Variants in CHD9 observed in about 807,000 individuals in gnomAD.
CHD9 encodes chromodomain helicase DNA binding protein 9, also known as ATP-dependent chromatin remodeler CHD9.
Under a neutral mutation model 316.1 loss-of-function variants are expected in CHD9, and 77 were observed. The ratio of observed to expected loss-of-function variants is 0.24; its 90% CI spans 0.20 to 0.29. CHD9 has a LOEUF of 0.29. Ranked by LOEUF, CHD9 falls within the 10% of genes least tolerant of loss-of-function variation. The probability of loss-of-function intolerance (pLI) is 1.00; values close to 1 mark genes in which losing one functional copy is unlikely to be tolerated. For synonymous variants in CHD9, 1,129 were observed against 1,158.3 expected (o/e 0.97, Z 0.51); for missense variants, 2,763 against 3,438.1 (o/e 0.80, Z 4.91).
At chr16:53,225,030 T>C (rs2047533930) in intron 4 of CHD9, among the ~76,000 whole-genome samples, 1 of 152,164 alleles carries the variant, frequency 6.6e-6, no homozygotes, top group South Asian at 2.1e-4. Context: ...CATGGTGTTA[T>C]CTAGTACATT....
chr16:53,086,618 A>T (rs964032374), intron 1 of CHD9, among the ~76,000 whole-genome samples: 5 of 152,236 alleles, frequency 3.3e-5, no homozygotes, highest in Non-Finnish European at 7.3e-5. Context: ...GAGGAAAAAA[A>T]TCATTTGTGA....
chr16:53,219,723 A>G (rs903103528), intron 3 of CHD9, among the ~76,000 whole-genome samples: 1 of 152,198 alleles, frequency 6.6e-6, no homozygotes, highest in Non-Finnish European at 1.5e-5. Flanking sequence ...AGTGAGGCAT[A>G]CTTAGTTTCT....
chr16:53,121,550 T>A, intron 1 of CHD9: 1 of 391,460 alleles, frequency 2.6e-6, no homozygotes, highest in Non-Finnish European at 5.0e-6. Flanking sequence ...ACTTGGAGAC[T>A]CTAAGACCTG....
intron 1 of CHD9, among the ~76,000 whole-genome samples, chr16:53,144,838 A>G (rs2152716892): frequency 6.6e-6 from 1 of 151,916 alleles, no homozygotes; most frequent in South Asian, 2.1e-4. Flanking sequence ...ACATATTTTT[A>G]AAAATCAGCC....
intron 2 of CHD9, chr16:53,208,120 A>G: frequency 9.6e-7 from 1 of 1,043,756 alleles, no homozygotes; most frequent in East Asian, 9.9e-5. Flanking sequence ...TCATACCTAA[A>G]TAGGATGAAC....
rs1474004651 is a variant in CHD9 at position 53,268,062 on chromosome 16, T to C, written c.4653T>C (p.Gly1551=). 1 of 1,613,264 alleles carries C rather than the reference T, an allele frequency of 6.2e-7. No homozygotes were observed. ...ACCGAGGAGATGAGAAGATTAAAGG[T>C]TTCATATGGGATCTCATTACTCCAA... is the stretch of plus-strand genomic sequence containing the variant. The part of the protein sequence containing the change: ...VHYRGDEKIK[G]FIWDLITPTE... The change falls in exon 22 of 39, where the codon GGT becomes GGC. Residue 1551 remains glycine (G), a synonymous_variant. Coordinates refer to ENST00000447540, the MANE Select transcript of CHD9 (RefSeq NM_001308319.2).
chr16:53,172,447 C>T (rs562358070), intron 2 of CHD9, among the ~76,000 whole-genome samples: 2 of 152,152 alleles, frequency 1.3e-5, no homozygotes, highest in East Asian at 3.9e-4. Context: ...TATGATTTCC[C>T]GTTTGGGGTT....
rs997841862 is a variant in CHD9, at chr16:53,245,362, C to G, written c.3081C>G (p.Thr1027=). The part of the protein sequence containing the change: ...NLEHKVLLTG[T]PLQNTVEELF... ...AACACAAGGTGCTTTTGACTGGCAC[C>G]CCTCTCCAAAATACAGTTGAAGAAC... Residue 1027 remains threonine (T), a synonymous_variant, in exon 14 of 39, where the codon ACC becomes ACG. Transcript: ENST00000447540. The surrounding 1 kb of genome is among the most constrained non-coding windows in gnomAD (Gnocchi z 4.1). The G allele has an allele frequency of 5.8e-6, 9 of 1,555,376 alleles. No individual in the cohort carries two copies. The highest frequency in any genetic ancestry group is 7.8e-6 in the Non-Finnish European group (9 of 1,151,462).
At chr16:53,141,333 G>C (rs1215528083) in intron 1 of CHD9, among the ~76,000 whole-genome samples, 1 of 152,170 alleles carries the variant, frequency 6.6e-6, no homozygotes, top group Admixed American at 6.5e-5. Flanking sequence ...CTGTAAAACT[G>C]TGCTATAGGA....
chr16:53,073,887 G>C (rs567575379), intron 1 of CHD9, among the ~76,000 whole-genome samples: 98 of 152,296 alleles, frequency 6.4e-4, no homozygotes, highest in Admixed American at 1.6e-3. Flanking sequence ...GGTACCAGTA[G>C]AGTGGGGCGC....
chr16:53,208,543 A>G, intron 2 of CHD9: 5 of 1,040,134 alleles, frequency 4.8e-6, no homozygotes, highest in South Asian at 2.9e-5. Flanking sequence ...TTTAGTGAGC[A>G]ATTCTAAACC....
At chr16:53,090,457 GTGGC>G (rs1264320730) in intron 1 of CHD9, among the ~76,000 whole-genome samples, 2 of 152,200 alleles carry the variant, frequency 1.3e-5, no homozygotes, top group Non-Finnish European at 2.9e-5. Flanking sequence ...ACATGTGAGT[GTGGC>G]AAGGTATTAA....
At chr16:53,318,166 G>C (rs931611020) in intron 36 of CHD9, 46 bp from the exon 37 acceptor site, 1 of 1,494,694 alleles carries the variant, frequency 6.7e-7, no homozygotes, top group Non-Finnish European at 9.1e-7. Flanking sequence ...GAATTGTTTT[G>C]CACAGTTAAA....
At chr16:53,261,195 G>A (rs1215317680) in intron 19 of CHD9, among the ~76,000 whole-genome samples, 2 of 150,508 alleles carry the variant, frequency 1.3e-5, no homozygotes, top group African/African-American at 2.4e-5. Context: ...TTGAAACACA[G>A]TATTTAACAT....
intron 19 of CHD9, 57 bp downstream of exon 19, chr16:53,255,836 A>G: frequency 6.8e-7 from 1 of 1,473,914 alleles, no homozygotes; most frequent in Non-Finnish European, 9.4e-7. Context: ...CTAACTACTG[A>G]GAAAGTTTAA....
chr16:53,068,938 A>G (rs544531413), intron 1 of CHD9, among the ~76,000 whole-genome samples: 1 of 152,342 alleles, frequency 6.6e-6, no homozygotes, highest in East Asian at 1.9e-4. Context: ...TTATTGTGGT[A>G]AAATACACAT....
At chr16:53,212,709 G>C (rs1006958649) in intron 3 of CHD9, among the ~76,000 whole-genome samples, 6 of 152,056 alleles carry the variant, frequency 3.9e-5, no homozygotes, top group African/African-American at 1.4e-4. Context: ...GTGTGATAAT[G>C]GGGTTAAATT....
chr16:53,206,739 T>C (rs1489500030), intron 2 of CHD9, among the ~76,000 whole-genome samples: 1 of 152,194 alleles, frequency 6.6e-6, no homozygotes, highest in East Asian at 1.9e-4. Context: ...ATAATGATTT[T>C]TGTAATTGTT....
At chr16:53,232,889 T>TA (rs2048303441) in intron 10 of CHD9, among the ~76,000 whole-genome samples, 1 of 152,206 alleles carries the variant, frequency 6.6e-6, no homozygotes, top group East Asian at 1.9e-4. Flanking sequence ...CATGTACAAT[T>TA]ACTATACACT....
Sources: allele counts gnomAD v4.1 joint callset (sites outside exome capture counted in the v4.1 genomes callset), GRCh38; gene constraint gnomAD v4.1.1; non-coding constraint Gnocchi (gnomAD v3.1); transcripts MANE v1.5; gene names NCBI Gene and HGNC (gene_info 2026-07-23, HGNC 2026-07-21).